Variants in NALCN observed in about 807,000 individuals in gnomAD.
NALCN encodes the protein sodium leak channel NALCN.
NALCN carries 111 observed loss-of-function variants against 225.3 expected under a neutral mutation model. That is an observed-to-expected ratio of 0.49 (90% CI 0.42 to 0.58). The LOEUF is 0.58. Among genes scored for constraint, NALCN ranks in the 20% least tolerant of loss-of-function variants. The pLI, the probability that NALCN is intolerant of heterozygous loss-of-function variation, is 0.00. For missense variants in NALCN, 1,378 were observed against 2,202.4 expected, an observed-to-expected ratio of 0.63 and a Z score of 7.49; for synonymous variants, 764 against 769.0, an observed-to-expected ratio of 0.99 and a Z score of 0.11.
rs187276580 is a variant in NALCN at position 101,368,766 on chromosome 13, G to A, written c.644+7934C>T. ...CAGGCCTTTAATCCCAGCACTTTGG[G>A]AGGCTGAGGCAGGCAGATCTCTTGA... On this transcript the variant is annotated intron_variant, in intron 6 of 43. Transcript: ENST00000251127. 214 of 154,456 alleles carry A rather than the reference G, an allele frequency of 1.4e-3. 2 individuals carry two copies. The highest frequency in any genetic ancestry group is 4.0e-3 in the South Asian group (21 of 5,312). 9.6% of individuals were successfully genotyped at this position (154,456 alleles called of 1,614,324 possible). A position where few individuals can be genotyped will look rare whatever the true frequency, so the allele number is the denominator to read the frequency against.
Position 101,225,628 on chromosome 13 carries a change from T to C in NALCN, c.1626+3765A>G, listed in dbSNP as rs573232835. On this transcript the variant is annotated intron_variant, in intron 13 of 43. Coordinates refer to ENST00000251127, the MANE Select transcript of NALCN (RefSeq NM_052867.4). ...AGCAGTCCTCCAAAATAGACTGGGA[T>C]TAGATCTTACAATGGCTGAAAAAGG... Among the ~76,000 whole-genome samples the C allele has an allele frequency of 1.5e-4, 23 of 152,274 alleles. No homozygotes were observed. In the South Asian group the frequency reaches 4.6e-3, roughly 30 times the overall value.
chr13:101,311,673 C>G (rs1351045941), intron 7 of NALCN, among the ~76,000 whole-genome samples: 7 of 152,006 alleles, frequency 4.6e-5, no homozygotes, highest in African/African-American at 1.7e-4. Flanking sequence ...TATTGATTTG[C>G]GTATGTTGAA....
rs1321901326 is a variant in NALCN at position 101,068,741 on chromosome 13, A to G, written c.4284T>C (p.Cys1428=). ...GNYAGALMYF[C]SFYVIIAYIM... is the part of the protein sequence containing the mutation. The stretch of plus-strand genomic sequence containing the variant: ...TGTAGGCAATGATGACATAAAATGA[A>G]CAGAAATACATAAGTGCCCCAGCAT... The change falls in exon 38 of 44, where the codon TGT becomes TGC. Residue 1428 remains cysteine (C), a synonymous_variant. Transcript: ENST00000251127. 6.2e-7 allele frequency: 1 copy of G among 1,611,896 alleles called. No individual in the cohort carries two copies. Among genetic ancestry groups the G allele is most frequent in the Admixed American group, 1.7e-5 (1 of 59,600 alleles).
Position 101,103,176 on chromosome 13 carries a change from A to G in NALCN, c.3053T>C (p.Phe1018Ser). The G allele has an allele frequency of 6.2e-7, 1 of 1,612,158 alleles. No individual in the cohort carries two copies. The highest frequency in any genetic ancestry group is 8.5e-7 in the Non-Finnish European group (1 of 1,179,402). Residue 1018 changes from phenylalanine to serine, a missense_variant, in exon 26 of 44, where the codon TTT (phenylalanine) becomes TCT (serine). This residue lies in a region of NALCN where 292 missense variants were observed against 409.5 expected (regional missense o/e 0.71). Coordinates refer to ENST00000251127, the MANE Select transcript of NALCN (RefSeq NM_052867.4). ...RELFSGFKEI[F>S]LVSILLLTLM... ...CAAAGGATAATTCTCACATACCAAA[A>G]AAATTTCCTTGAAGCCGCTGAAAAG...
At chr13:101,072,148 A>C (rs2032935945) in intron 37 of NALCN, among the ~76,000 whole-genome samples, 1 of 152,210 alleles carries the variant, frequency 6.6e-6, no homozygotes, top group Non-Finnish European at 1.5e-5. Flanking sequence ...TAATAATGAA[A>C]AAGTCCGAAA....
chr13:101,107,371 C>G, intron 22 of NALCN, 116 bp downstream of exon 22: 1 of 1,527,666 alleles, frequency 6.5e-7, no homozygotes, highest in Middle Eastern at 2.4e-4. Flanking sequence ...ATTAATTAGT[C>G]CGCAGTTTAT....
intron 13 of NALCN, among the ~76,000 whole-genome samples, chr13:101,207,051 CA>C (rs1282434438): frequency 6.6e-6 from 1 of 152,024 alleles, no homozygotes; most frequent in African/African-American, 2.4e-5. Context: ...AATAATGCAA[CA>C]AAAAACATTT....
Position 101,104,210 on chromosome 13 carries a change from C to G in NALCN, c.2889+85G>C. On this transcript the variant is annotated intron_variant, in intron 25 of 43. Transcript: ENST00000251127. This position sits in a 1 kb window ranked among gnomAD's most constrained non-coding sequence, Gnocchi z 4.2. ...TTAGGGAATCTAAGCCTCTGTAACT[C>G]ATACCTCTTGCGCTTATACCAAGAA... 6.7e-7 allele frequency: 1 copy of G among 1,492,994 alleles called. No individual in the cohort carries two copies. The highest frequency in any genetic ancestry group is 9.0e-7 in the Non-Finnish European group (1 of 1,114,642). 92.5% of individuals were successfully genotyped at this position (1,492,994 alleles called of 1,614,324 possible).
intron 15 of NALCN, among the ~76,000 whole-genome samples, chr13:101,171,926 A>G (rs2038741385): frequency 6.6e-6 from 1 of 152,230 alleles, no homozygotes; most frequent in Admixed American, 6.5e-5. Context: ...CTTCAGAACT[A>G]TAGTATTAAG....
intron 20 of NALCN, among the ~76,000 whole-genome samples, chr13:101,109,173 T>C (rs2035297930): frequency 6.6e-6 from 1 of 152,222 alleles, no homozygotes; most frequent in Admixed American, 6.5e-5. Flanking sequence ...ACTTTTCACC[T>C]GAAAATGTTC....
intron 15 of NALCN, among the ~76,000 whole-genome samples, chr13:101,150,150 T>C (rs1174648532): frequency 6.6e-5 from 4 of 60,624 alleles, no homozygotes; most frequent in African/African-American, 2.3e-4. Context: ...ACAGAGTACA[T>C]ACTGTTGTAT....
At position 101,376,831 on chromosome 13, in the gene NALCN, A is replaced by G. The variant is rs769169808; in HGVS notation, c.516-3T>C. ...TCCATATTTGTTCTCCCGATCGCCTAGAGAAACAAAAGTAGGTAAAGTACA... is the reference window on the plus strand; with the variant it reads ...TCCATATTTGTTCTCCCGATCGCCTGGAGAAACAAAAGTAGGTAAAGTACA... On this transcript the variant is annotated splice_region_variant and splice_polypyrimidine_tract_variant and intron_variant, in intron 5 of 43. Coordinates refer to ENST00000251127, the MANE Select transcript of NALCN (RefSeq NM_052867.4). The G allele has an allele frequency of 6.2e-7, 1 of 1,612,148 alleles. No homozygotes were observed. Among genetic ancestry groups the G allele is most frequent in the East Asian group, 2.2e-5 (1 of 44,870 alleles).
At chr13:101,176,252 C>T in intron 15 of NALCN, 48 bp downstream of exon 15, 1 of 1,388,754 alleles carries the variant, frequency 7.2e-7, no homozygotes, top group East Asian at 2.6e-5. Flanking sequence ...AATGGTTTGC[C>T]CCTGGTTTTT....
chr13:101,068,450 C>G (rs2032598565), intron 38 of NALCN, among the ~76,000 whole-genome samples: 1 of 152,102 alleles, frequency 6.6e-6, no homozygotes, highest in Non-Finnish European at 1.5e-5. Context: ...TCAACTCAAT[C>G]CATGAGAAGA....
chr13:101,316,874 A>C (rs16958831), intron 7 of NALCN, among the ~76,000 whole-genome samples: 2,949 of 152,290 alleles, frequency 0.019, 97 homozygotes, highest in African/African-American at 0.067. Flanking sequence ...CTTCACTGAT[A>C]GGTGCAGATA....
chr13:101,196,248 T>C (rs1269668449), intron 13 of NALCN, among the ~76,000 whole-genome samples: 1 of 152,168 alleles, frequency 6.6e-6, no homozygotes, highest in Non-Finnish European at 1.5e-5. Flanking sequence ...AAAATAAATA[T>C]ATTCTTTCTT....
intron 15 of NALCN, among the ~76,000 whole-genome samples, chr13:101,163,603 G>T (rs2038293031): frequency 6.6e-6 from 1 of 152,124 alleles, no homozygotes; most frequent in South Asian, 2.1e-4. Context: ...TGCTGAGAAA[G>T]CTGCTCCAGG....
At chr13:101,175,236 ATTTTT>A in intron 15 of NALCN, among the ~76,000 whole-genome samples, 1 of 149,318 alleles carries the variant, frequency 6.7e-6, no homozygotes, top group South Asian at 2.1e-4. Context: ...CTTCATAACA[ATTTTT>A]TTTTGTTTGT....
At chr13:101,247,132 G>A (rs1010401955) in intron 11 of NALCN, among the ~76,000 whole-genome samples, 1 of 152,156 alleles carries the variant, frequency 6.6e-6, no homozygotes, top group Admixed American at 6.5e-5. Context: ...CTTAGATAAG[G>A]TAAAGATGAG....
Sources: allele counts gnomAD v4.1 joint callset (sites outside exome capture counted in the v4.1 genomes callset), GRCh38; gene constraint gnomAD v4.1.1; regional missense constraint gnomAD v4.1.1; non-coding constraint Gnocchi (gnomAD v3.1); transcripts MANE v1.5; gene names NCBI Gene and HGNC (gene_info 2026-07-23, HGNC 2026-07-21).